PCDH9: variants seen among roughly 807,000 people sequenced by gnomAD.
PCDH9 encodes protocadherin-9.
Under a neutral mutation model 70.6 loss-of-function variants are expected in PCDH9, and 24 were observed. That is an observed-to-expected ratio of 0.34 (90% CI 0.25 to 0.48). The LOEUF is 0.48. Among genes scored for constraint, PCDH9 ranks in the 20% least tolerant of loss-of-function variants. PCDH9 has a pLI of 0.99. For synonymous variants in PCDH9, 562 were observed against 558.5 expected (o/e 1.01, Z -0.09); for missense variants, 1,281 against 1,503.6 (o/e 0.85, Z 2.45).
At chr13:66,438,430 C>T (rs1053746601) in intron 4 of PCDH9, among the ~76,000 whole-genome samples, 2 of 150,768 alleles carry the variant, frequency 1.3e-5, no homozygotes, top group Admixed American at 1.3e-4. Flanking sequence ...ACTAGCAAGG[C>T]AAGGAAGGCT....
At chr13:66,782,177 A>G (rs1395248029) in intron 3 of PCDH9, among the ~76,000 whole-genome samples, 1 of 152,152 alleles carries the variant, frequency 6.6e-6, no homozygotes, top group Non-Finnish European at 1.5e-5. Context: ...TTAAGAATTT[A>G]CAAGCATTTT....
At position 67,227,511 on chromosome 13, in the gene PCDH9, C is replaced by A; in HGVS notation, c.930G>T (p.Gly310=). The A allele has an allele frequency of 6.2e-7, 1 of 1,613,598 alleles. No homozygotes were observed. Among genetic ancestry groups the A allele is most frequent in the South Asian group, 1.1e-5 (1 of 91,040 alleles). Residue 310 remains glycine (G), a synonymous_variant, in exon 2 of 5, where the codon GGG becomes GGT. Coordinates refer to ENST00000377865, the MANE Select transcript of PCDH9 (RefSeq NM_203487.3). This position sits in a 1 kb window ranked among gnomAD's most constrained non-coding sequence, Gnocchi z 4.6. ...CTAAGGACCTCTGAACTGTAATCAG[C>A]CCAGTAGTATTATTTAAAGCAAAGA... is the stretch of plus-strand genomic sequence containing the variant. The part of the protein sequence containing the change: ...KRLFALNNTT[G]LITVQRSLDR...
chr13:66,711,507 A>T (rs1434578327), intron 3 of PCDH9, among the ~76,000 whole-genome samples: 2 of 151,698 alleles, frequency 1.3e-5, no homozygotes, highest in African/African-American at 4.8e-5. Flanking sequence ...TTATTATTGC[A>T]CATCGCTATC....
chr13:66,548,578 A>G (rs1185618462), intron 4 of PCDH9, among the ~76,000 whole-genome samples: 1 of 152,120 alleles, frequency 6.6e-6, no homozygotes, highest in Non-Finnish European at 1.5e-5. Context: ...AATAAAAATT[A>G]AACGTTCAAA....
chr13:66,653,199 T>C (rs557066864), intron 3 of PCDH9, among the ~76,000 whole-genome samples: 1 of 152,172 alleles, frequency 6.6e-6, no homozygotes, highest in South Asian at 2.1e-4. Context: ...GTTTCCTTTG[T>C]TGTCTAACAA....
chr13:66,709,120 C>A (rs112167838), intron 3 of PCDH9, among the ~76,000 whole-genome samples: 2,973 of 152,174 alleles, frequency 0.02, 103 homozygotes, highest in African/African-American at 0.068. Context: ...CAATTGATTT[C>A]CTGTACAACT....
At chr13:66,616,844 A>G (rs541358282) in intron 4 of PCDH9, among the ~76,000 whole-genome samples, 23 of 152,182 alleles carry the variant, frequency 1.5e-4, no homozygotes, top group Admixed American at 1.2e-3. Flanking sequence ...TCACCTTAGC[A>G]TTCAGCTTAT....
At chr13:66,622,116 G>C (rs2077429986) in intron 4 of PCDH9, among the ~76,000 whole-genome samples, 2 of 152,232 alleles carry the variant, frequency 1.3e-5, no homozygotes, top group African/African-American at 4.8e-5. Context: ...AGTGTGTACT[G>C]GGTCCCCCAG....
chr13:66,424,100 C>A (rs924932856), intron 4 of PCDH9, among the ~76,000 whole-genome samples: 1 of 152,082 alleles, frequency 6.6e-6, no homozygotes, highest in Admixed American at 6.5e-5. Flanking sequence ...AATAAAATAT[C>A]TAGGAATACA....
intron 4 of PCDH9, among the ~76,000 whole-genome samples, chr13:66,454,146 T>C (rs536791305): frequency 1.8e-4 from 27 of 152,122 alleles, no homozygotes; most frequent in African/African-American, 5.1e-4. Flanking sequence ...ATAAGACTTG[T>C]TTTTTTCTTT....
At chr13:66,597,356 C>T (rs757046727) in intron 4 of PCDH9, among the ~76,000 whole-genome samples, 20 of 151,760 alleles carry the variant, frequency 1.3e-4, no homozygotes, top group Non-Finnish European at 2.2e-4. Flanking sequence ...CTAATCAAAA[C>T]AGGATGGTAC....
intron 4 of PCDH9, among the ~76,000 whole-genome samples, chr13:66,319,537 A>G (rs560014821): frequency 6.6e-6 from 1 of 152,046 alleles, no homozygotes; most frequent in South Asian, 2.1e-4. Flanking sequence ...GTATTAATCG[A>G]AAAGAGTTTA....
intron 2 of PCDH9, among the ~76,000 whole-genome samples, chr13:67,185,460 T>A (rs1039340131): frequency 1.3e-5 from 2 of 152,212 alleles, no homozygotes; most frequent in Non-Finnish European, 2.9e-5. Flanking sequence ...TTGTGTAATA[T>A]ACATAATAGA....
intron 4 of PCDH9, among the ~76,000 whole-genome samples, chr13:66,533,943 A>T (rs1367567743): frequency 6.6e-6 from 1 of 152,166 alleles, no homozygotes; most frequent in Non-Finnish European, 1.5e-5. Context: ...ATGTCTTTAG[A>T]TATAGAAAAT....
At chr13:67,082,056 T>C (rs1210405941) in intron 2 of PCDH9, among the ~76,000 whole-genome samples, 2 of 152,170 alleles carry the variant, frequency 1.3e-5, no homozygotes, top group African/African-American at 2.4e-5. Context: ...TCCAAAACTT[T>C]CCACCCATTC....
At chr13:66,700,510 T>C (rs1196204391) in intron 3 of PCDH9, among the ~76,000 whole-genome samples, 1 of 152,302 alleles carries the variant, frequency 6.6e-6, no homozygotes, top group Admixed American at 6.5e-5. Flanking sequence ...ACAACTTCTG[T>C]ATTGTTTTAC....
At chr13:66,723,664 A>T (rs1184731752) in intron 3 of PCDH9, among the ~76,000 whole-genome samples, 1 of 152,194 alleles carries the variant, frequency 6.6e-6, no homozygotes, top group South Asian at 2.1e-4. Context: ...AGGACAAGGA[A>T]GCAAGTCAAA....
At chr13:66,609,234 A>C (rs145413018) in intron 4 of PCDH9, among the ~76,000 whole-genome samples, 1,635 of 152,332 alleles carry the variant, frequency 0.011, 28 homozygotes, top group African/African-American at 0.037. Flanking sequence ...TGGAAGACAA[A>C]AATGACATAT....
chr13:67,122,937 C>G (rs938044501), intron 2 of PCDH9, among the ~76,000 whole-genome samples: 1 of 151,950 alleles, frequency 6.6e-6, no homozygotes, highest in Admixed American at 6.6e-5. Context: ...GGAGAAACAA[C>G]TCTGTCATTA....
Sources: gnomAD v4.1 joint callset for allele counts (sites outside exome capture counted in the v4.1 genomes callset) on GRCh38, gnomAD v4.1.1 for gene constraint, Gnocchi (gnomAD v3.1) non-coding constraint, MANE v1.5 for transcripts, NCBI Gene and HGNC (gene_info 2026-07-23, HGNC 2026-07-21) for gene names.